GLIS3: variants seen among roughly 807,000 people sequenced by gnomAD.
The protein encoded by GLIS3 is zinc finger protein GLIS3.
In GLIS3, 53 loss-of-function variants were observed where a neutral mutation model predicts 78.6. The observed-to-expected ratio is 0.67, with a 90% CI of 0.54 to 0.85. The LOEUF (loss-of-function observed/expected upper bound fraction) is 0.85. GLIS3 is among the 40% of genes least tolerant of loss of function. The probability of loss-of-function intolerance (pLI) is 0.00; values close to 1 mark genes in which losing one functional copy is unlikely to be tolerated. For synonymous variants in GLIS3, 684 were observed against 509.9 expected (o/e 1.34, Z -4.60); for missense variants, 1,703 against 1,231.1 (o/e 1.38, Z -5.74).
chr9:3,963,042 T>G (rs1817684152), intron 4 of GLIS3, among the ~76,000 whole-genome samples: 1 of 151,984 alleles, frequency 6.6e-6, no homozygotes, highest in African/African-American at 2.4e-5. Flanking sequence ...AAAGACCATG[T>G]TAGGCTCAAA....
intron 4 of GLIS3, among the ~76,000 whole-genome samples, chr9:4,030,917 T>A (rs1270578446): frequency 6.6e-6 from 1 of 152,202 alleles, no homozygotes; most frequent in Admixed American, 6.5e-5. Flanking sequence ...CTCGGCATCA[T>A]TAGTCACTAG....
At chr9:3,906,463 C>G (rs1163261023) in intron 6 of GLIS3, among the ~76,000 whole-genome samples, 1 of 152,114 alleles carries the variant, frequency 6.6e-6, no homozygotes, top group Non-Finnish European at 1.5e-5. Context: ...CCAAGCATGG[C>G]CTTAAGTTTT....
chr9:3,888,129 G>C (rs924867879), intron 7 of GLIS3, among the ~76,000 whole-genome samples: 3 of 151,992 alleles, frequency 2.0e-5, no homozygotes, highest in Admixed American at 6.6e-5. Context: ...TGGGAAGGCA[G>C]AAAAAAAGGA....
chr9:3,864,249 G>A (rs974604343), intron 8 of GLIS3, among the ~76,000 whole-genome samples: 6 of 152,150 alleles, frequency 3.9e-5, no homozygotes, highest in African/African-American at 1.4e-4. Flanking sequence ...TCTTTCTCTT[G>A]TTCAGCATGG....
intron 2 of GLIS3, among the ~76,000 whole-genome samples, chr9:4,189,066 C>G (rs1374152998): frequency 6.6e-6 from 1 of 151,722 alleles, no homozygotes; most frequent in Non-Finnish European, 1.5e-5. Context: ...TCTTGCTTTT[C>G]TAGTTCTTTT....
chr9:4,289,996 T>C (rs568051378), intron 1 of GLIS3, among the ~76,000 whole-genome samples: 1 of 152,214 alleles, frequency 6.6e-6, no homozygotes, highest in African/African-American at 2.4e-5. Flanking sequence ...CTCTACCTTC[T>C]ACCCAAGGCT....
intron 4 of GLIS3, among the ~76,000 whole-genome samples, chr9:4,055,702 G>A (rs763523858): frequency 1.3e-5 from 2 of 152,106 alleles, no homozygotes; most frequent in Non-Finnish European, 2.9e-5. Context: ...CTGTGATCAG[G>A]TCCAAAATAA....
At chr9:3,851,641 C>G (rs1439407681) in intron 9 of GLIS3, among the ~76,000 whole-genome samples, 1 of 152,174 alleles carries the variant, frequency 6.6e-6, no homozygotes, top group African/African-American at 2.4e-5. Flanking sequence ...GGCTCAGTAT[C>G]ATTTAGTATT....
intron 4 of GLIS3, among the ~76,000 whole-genome samples, chr9:3,959,612 C>A (rs1392839305): frequency 6.6e-6 from 1 of 152,202 alleles, no homozygotes. Context: ...CCTGCAGCTA[C>A]TCTTCCTAAA....
intron 2 of GLIS3, among the ~76,000 whole-genome samples, chr9:4,202,647 A>G (rs538550705): frequency 1.3e-4 from 20 of 152,244 alleles, no homozygotes; most frequent in Admixed American, 2.6e-4. Context: ...TAGAATAGAG[A>G]ACCCAGAAGT....
chr9:4,161,849 G>GT (rs56116096), intron 2 of GLIS3, among the ~76,000 whole-genome samples: 1 of 146,784 alleles, frequency 6.8e-6, no homozygotes, highest in African/African-American at 2.5e-5. Context: ...GCTAATTTTT[G>GT]TTTTTTTTTT....
At chr9:4,120,348 A>C (rs1832081083) in intron 3 of GLIS3, among the ~76,000 whole-genome samples, 1 of 152,256 alleles carries the variant, frequency 6.6e-6, no homozygotes. Context: ...ATGTTTACCA[A>C]AGACAAACAC....
At chr9:3,897,662 T>C (rs1822960097) in intron 7 of GLIS3, among the ~76,000 whole-genome samples, 1 of 152,188 alleles carries the variant, frequency 6.6e-6, no homozygotes, top group African/African-American at 2.4e-5. Flanking sequence ...TAAGGCCCAG[T>C]TTTGATGACT....
intron 2 of GLIS3, among the ~76,000 whole-genome samples, chr9:4,271,086 G>A (rs1336338763): frequency 6.6e-6 from 1 of 152,036 alleles, no homozygotes; most frequent in African/African-American, 2.4e-5. Context: ...CAATGAGAAT[G>A]AAGAATTTTA....
At chr9:4,116,395 C>G (rs1189416339) in intron 4 of GLIS3, among the ~76,000 whole-genome samples, 1 of 152,200 alleles carries the variant, frequency 6.6e-6, no homozygotes, top group African/African-American at 2.4e-5. Context: ...AGTAATTATT[C>G]TTTTCACTCA....
chr9:3,887,998 G>T (rs909839815), intron 7 of GLIS3, among the ~76,000 whole-genome samples: 4 of 151,994 alleles, frequency 2.6e-5, no homozygotes, highest in Non-Finnish European at 5.9e-5. Context: ...CACCTTCGAA[G>T]GATTCATGAC....
chr9:4,358,492 T>C, the GLIS3 span, among the ~76,000 whole-genome samples: 1 of 152,002 alleles, frequency 6.6e-6, no homozygotes, highest in African/African-American at 2.4e-5. Context: ...ATGTTAGGAG[T>C]GGTGAATTAA....
In GLIS3 at chr9:4,160,836, TG is replaced by T. The variant is rs1835414555; in HGVS notation, c.389-34896del. Among the ~76,000 whole-genome samples the T allele has an allele frequency of 2.0e-5, 3 of 152,316 alleles. No homozygotes were observed. In the South Asian group the frequency reaches 6.2e-4, roughly 32 times the overall value. ...ACTTCAAAAGAATATTTAAATCAGC[TG>T]GTAAACCAGGTAGTCACCTGTCTCA... On this transcript the variant is annotated intron_variant, in intron 2 of 10. Coordinates refer to ENST00000381971, the MANE Select transcript of GLIS3 (RefSeq NM_001042413.2).
rs59839951 is a variant in GLIS3 at position 4,236,184 on chromosome 9, C to CAAAA, written c.388+49850_388+49853dup. ...CTAGGAAAACTTGACGTGGTTGTCA[C>CAAAA]AAAAAAAAAAAAAAAAAAAAAAAGA... is the stretch of plus-strand genomic sequence containing the variant. On this transcript the variant is annotated intron_variant, in intron 2 of 10. Transcript: ENST00000381971. Among the ~76,000 whole-genome samples, 734 of 83,840 alleles carry CAAAA rather than the reference C, an allele frequency of 8.8e-3. 16 individuals carry two copies. The highest frequency in any genetic ancestry group is 0.023 in the African/African-American group (522 of 22,850). The allele number at this position is 83,840 out of a possible 152,430, so 55.0% of individuals were successfully genotyped here.
Sources: gnomAD v4.1 joint callset for allele counts (sites outside exome capture counted in the v4.1 genomes callset) on GRCh38, gnomAD v4.1.1 for gene constraint, MANE v1.5 for transcripts, NCBI Gene and HGNC (gene_info 2026-07-23, HGNC 2026-07-21) for gene names.